The following GAPVD1 variants were observed in gnomAD, a reference collection of about 807,000 sequenced individuals.
GAPVD1 encodes GTPase-activating protein and VPS9 domain-containing protein 1.
Under a neutral mutation model 155.5 loss-of-function variants are expected in GAPVD1, and 35 were observed. The observed-to-expected ratio is 0.23, with a 90% CI of 0.17 to 0.30. The LOEUF is 0.30. Among genes scored for constraint, GAPVD1 ranks in the 10% least tolerant of loss-of-function variants. The pLI is 1.00. For synonymous variants in GAPVD1, 636 were observed against 619.7 expected (o/e 1.03, Z -0.39); for missense variants, 1,429 against 1,775.7 (o/e 0.80, Z 3.51).
In GAPVD1 at chr9:125,360,601, G is replaced by A; in HGVS notation, c.4118G>A (p.Arg1373Gln). The A allele has an allele frequency of 7.4e-6, 12 of 1,613,898 alleles. No homozygotes were observed. The highest frequency in any genetic ancestry group is 1.1e-5 in the South Asian group (1 of 91,062). Residue 1373 changes from arginine (R) to glutamine (Q), a missense_variant, in exon 27 of 28, where the codon CGG (arginine) becomes CAG (glutamine). By Grantham distance (43) the Arg-to-Gln change is conservative (BLOSUM62 1). This residue lies in a region of GAPVD1 where 102 missense variants were observed against 196.5 expected (regional missense o/e 0.52). Transcript: ENST00000297933. ...IRTISAYKTP[R>Q]DKVQCILRMC... is the part of the protein sequence containing the mutation. ...ACAATAAGTGCTTATAAAACCCCCC[G>A]GGACAAAGTGCAGTGCATCCTGAGA...
intron 8 of GAPVD1, among the ~76,000 whole-genome samples, chr9:125,310,861 C>T (rs543792866): frequency 3.8e-4 from 53 of 140,410 alleles, no homozygotes; most frequent in African/African-American, 1.4e-3. Flanking sequence ...TTTTTTTAGA[C>T]GGAGTTTCGC....
intron 12 of GAPVD1, among the ~76,000 whole-genome samples, chr9:125,329,276 G>C (rs993068166): frequency 1.3e-5 from 2 of 152,222 alleles, no homozygotes; most frequent in African/African-American, 4.8e-5. Context: ...GTATTTTCCT[G>C]TGAATGTATC....
intron 25 of GAPVD1, 117 bp from the exon 26 acceptor site, chr9:125,359,303 G>C: frequency 2.8e-6 from 2 of 716,092 alleles, no homozygotes; most frequent in Non-Finnish European, 5.1e-6. Context: ...TCCATATCTA[G>C]CTGTAATCCA....
At chr9:125,280,247 T>G (rs1473597713) in intron 2 of GAPVD1, among the ~76,000 whole-genome samples, 1 of 150,284 alleles carries the variant, frequency 6.7e-6, no homozygotes, top group Non-Finnish European at 1.5e-5. Flanking sequence ...AAATACAAAA[T>G]CAGTCAGGCA....
Position 125,337,105 on chromosome 9 carries a change from T to C in GAPVD1, c.2506+10T>C. 6.2e-7 allele frequency: 1 copy of C among 1,607,436 alleles called. No individual in the cohort carries two copies. Among genetic ancestry groups the C allele is most frequent in the South Asian group, 1.1e-5 (1 of 90,898 alleles). ...CTGTCTTCACATGAAGGTAAACCAG[T>C]GAAATGAACTTTTTCACTTATGTCA... On this transcript the variant is annotated intron_variant, in intron 16 of 27. Transcript: ENST00000297933.
chr9:125,358,689 AC>A (rs1192428556), intron 25 of GAPVD1, among the ~76,000 whole-genome samples: 1 of 152,086 alleles, frequency 6.6e-6, no homozygotes, highest in Admixed American at 6.6e-5. Context: ...TGTTTGGCCC[AC>A]CCCAGACTTC....
At chr9:125,276,381 C>T (rs573397476) in intron 2 of GAPVD1, among the ~76,000 whole-genome samples, 1 of 152,258 alleles carries the variant, frequency 6.6e-6, no homozygotes, top group East Asian at 1.9e-4. Flanking sequence ...TTAATATTTA[C>T]TGCCTAATTT....
At chr9:125,350,496 A>C in intron 22 of GAPVD1, 92 bp downstream of exon 22, 1 of 848,256 alleles carries the variant, frequency 1.2e-6, no homozygotes. Context: ...CTGTACAGCA[A>C]TTCCATATGG....
chr9:125,323,355 G>GA (rs1303769741), intron 10 of GAPVD1, among the ~76,000 whole-genome samples: 17 of 152,188 alleles, frequency 1.1e-4, no homozygotes, highest in Admixed American at 3.3e-4. Context: ...GCCCAGGCTG[G>GA]AGTGCAGTGG....
intron 2 of GAPVD1, among the ~76,000 whole-genome samples, chr9:125,286,957 G>T (rs1837804291): frequency 6.6e-6 from 1 of 152,048 alleles, no homozygotes; most frequent in South Asian, 2.1e-4. Flanking sequence ...GGTCGGGGGT[G>T]CCTGTAATCC....
At chr9:125,351,839 C>G (rs1338372258) in intron 23 of GAPVD1, among the ~76,000 whole-genome samples, 4 of 151,992 alleles carry the variant, frequency 2.6e-5, no homozygotes, top group Non-Finnish European at 5.9e-5. Flanking sequence ...CTCCTGGGTT[C>G]AAGCAGTTCC....
At chr9:125,293,468 TGA>T (rs900499483) in intron 2 of GAPVD1, among the ~76,000 whole-genome samples, 16 of 149,290 alleles carry the variant, frequency 1.1e-4, no homozygotes, top group African/African-American at 3.9e-4. Flanking sequence ...TTTTTTTTTT[TGA>T]GATAGAGTTT....
chr9:125,283,777 T>A (rs1394446983), intron 2 of GAPVD1, among the ~76,000 whole-genome samples: 1 of 152,196 alleles, frequency 6.6e-6, no homozygotes, highest in Non-Finnish European at 1.5e-5. Flanking sequence ...AAGTTGGAAA[T>A]ATTTTTTTTC....
rs763272730 is a variant in GAPVD1, at chr9:125,349,517, C to T, written c.3297C>T (p.Tyr1099=). 4.3e-6 allele frequency: 7 copies of T among 1,613,778 alleles called. No individual in the cohort carries two copies. The South Asian group carries it at 7.7e-5, about 18-fold the overall frequency. ...AAHPQDSAFS[Y]RDAKKKLRLA... ...ACCCGCAGGATTCAGCTTTCTCTTA[C>T]AGGTATTTCTTTTATAGGATTTGGG... Residue 1099 remains tyrosine (Y), a splice_region_variant and synonymous_variant, in exon 21 of 28, where the codon TAC becomes TAT. Transcript: ENST00000297933.
At chr9:125,303,596 G>T (rs1046645656) in intron 5 of GAPVD1, among the ~76,000 whole-genome samples, 1 of 151,934 alleles carries the variant, frequency 6.6e-6, no homozygotes, top group Admixed American at 6.6e-5. Context: ...GACCAACATG[G>T]AGAAACCCCA....
intron 27 of GAPVD1, among the ~76,000 whole-genome samples, chr9:125,361,613 T>C (rs1330795857): frequency 6.6e-6 from 1 of 152,176 alleles, no homozygotes. Context: ...CTTTATATTA[T>C]ACTTTTACCA....
At chr9:125,362,526 C>A in intron 27 of GAPVD1, 80 bp from the exon 28 acceptor site, 2 of 1,126,124 alleles carry the variant, frequency 1.8e-6, no homozygotes, top group Non-Finnish European at 2.5e-6. Flanking sequence ...CATAGAAGAA[C>A]ATTCGAAGAA....
intron 2 of GAPVD1, among the ~76,000 whole-genome samples, chr9:125,281,305 G>A (rs1836751865): frequency 1.3e-5 from 2 of 152,186 alleles, no homozygotes; most frequent in South Asian, 4.1e-4. Context: ...TAATTTAAAA[G>A]GTAGACTTAA....
chr9:125,317,242 T>TGGGAGGCGGAGGTTGCA (rs1481948995), intron 9 of GAPVD1, among the ~76,000 whole-genome samples: 1 of 150,874 alleles, frequency 6.6e-6, no homozygotes, highest in Non-Finnish European at 1.5e-5. Flanking sequence ...CGCTTGAACC[T>TGGGAGGCGGAGGTTGCA]GGGAGGCGGA....
Sources: allele counts gnomAD v4.1 joint callset (sites outside exome capture counted in the v4.1 genomes callset), GRCh38; gene constraint gnomAD v4.1.1; regional missense constraint gnomAD v4.1.1; transcripts MANE v1.5; gene names NCBI Gene and HGNC (gene_info 2026-07-23, HGNC 2026-07-21).